Variants in PLCXD3 observed in about 807,000 individuals in gnomAD.
The protein encoded by PLCXD3 is phosphatidylinositol specific phospholipase C X domain containing 3.
PLCXD3 carries 19 observed loss-of-function variants against 25.5 expected under a neutral mutation model. The ratio of observed to expected loss-of-function variants is 0.75; its 90% CI spans 0.52 to 1.09. The LOEUF is 1.09. Among genes scored for constraint, PLCXD3 ranks in the 50% least tolerant of loss-of-function variants. The probability of loss-of-function intolerance (pLI) is 0.00; values close to 1 mark genes in which losing one functional copy is unlikely to be tolerated. For synonymous variants in PLCXD3, 174 were observed against 137.6 expected, an observed-to-expected ratio of 1.26 and a Z score of -1.85; for missense variants, 411 against 388.1, an observed-to-expected ratio of 1.06 and a Z score of -0.50.
intron 1 of PLCXD3, among the ~76,000 whole-genome samples, chr5:41,474,793 T>G (rs1478251096): frequency 6.6e-6 from 1 of 152,196 alleles, no homozygotes. Context: ...AGTAATTCCC[T>G]GTAAATTGAC....
At chr5:41,484,051 C>T (rs1455800693) in intron 1 of PLCXD3, among the ~76,000 whole-genome samples, 1 of 152,034 alleles carries the variant, frequency 6.6e-6, no homozygotes, top group African/African-American at 2.4e-5. Flanking sequence ...AGCAAAAAGG[C>T]ATTAAGTGAC....
intron 1 of PLCXD3, among the ~76,000 whole-genome samples, chr5:41,494,058 T>A (rs1748781627): frequency 6.6e-6 from 1 of 152,240 alleles, no homozygotes; most frequent in Non-Finnish European, 1.5e-5. Context: ...AGACCAGAGC[T>A]GTTCCTATTC....
chr5:41,320,255 C>T (rs1488263896), intron 2 of PLCXD3, among the ~76,000 whole-genome samples: 1 of 152,056 alleles, frequency 6.6e-6, no homozygotes, highest in Non-Finnish European at 1.5e-5. Flanking sequence ...TCCAAACTCA[C>T]TCTATGAGGC....
At chr5:41,338,700 C>A (rs571597440) in intron 2 of PLCXD3, among the ~76,000 whole-genome samples, 2 of 152,094 alleles carry the variant, frequency 1.3e-5, no homozygotes, top group Non-Finnish European at 2.9e-5. Flanking sequence ...TCCTCTTCAA[C>A]GTGATATTCC....
chr5:41,378,020 T>A lies in PLCXD3; in HGVS notation c.812+3806A>T, dbSNP rs1010445618. Among the ~76,000 whole-genome samples, 5 of 152,114 alleles carry A rather than the reference T, an allele frequency of 3.3e-5. No individual in the cohort carries two copies. In the East Asian group the frequency reaches 5.8e-4, roughly 18 times the overall value. ...CTTTTGGTGCCATCACAGGACTTTA[T>A]GAATGAATGGCTTTTGCACAAAAGC... On this transcript the variant is annotated intron_variant, in intron 2 of 2. Coordinates refer to ENST00000377801, the MANE Select transcript of PLCXD3 (RefSeq NM_001005473.3).
chr5:41,434,697 T>TATACCCCTAA (rs1747201615), intron 1 of PLCXD3, among the ~76,000 whole-genome samples: 1 of 152,128 alleles, frequency 6.6e-6, no homozygotes, highest in Admixed American at 6.5e-5. Context: ...GGAAGGAATT[T>TATACCCCTAA]TGATGGATGG....
At chr5:41,509,291 A>T (rs1738971136) in intron 1 of PLCXD3, among the ~76,000 whole-genome samples, 1 of 152,114 alleles carries the variant, frequency 6.6e-6, no homozygotes, top group Non-Finnish European at 1.5e-5. Context: ...GCCAGAAGTG[A>T]ACTGTTCATG....
chr5:41,508,569 C>T (rs1313253137), intron 1 of PLCXD3, among the ~76,000 whole-genome samples: 2 of 152,038 alleles, frequency 1.3e-5, no homozygotes. Context: ...AGCTGGTGTA[C>T]ATAACAGGGC....
chr5:41,309,401 A>T lies in PLCXD3; in HGVS notation c.*4216T>A, dbSNP rs1425749334. On this transcript the variant is annotated 3_prime_UTR_variant, in exon 3 of 3. Transcript: ENST00000377801. ...TCACTGAAATCTAGCTGAAAAGACT[A>T]AAGTGCTGTAAAATAAAATGCTCTT... 1.3e-5 allele frequency: 2 copies of T among 152,592 alleles called. No individual in the cohort carries two copies. Among genetic ancestry groups the T allele is most frequent in the Non-Finnish European group, 2.9e-5 (2 of 68,012 alleles). The allele number at this position is 152,592 out of a possible 1,614,324, so 9.5% of individuals were successfully genotyped here.
chr5:41,470,175 G>A (rs905791439), intron 1 of PLCXD3, among the ~76,000 whole-genome samples: 2 of 152,140 alleles, frequency 1.3e-5, no homozygotes, highest in African/African-American at 4.8e-5. Context: ...ACAAAGGGGG[G>A]TGGCAGTTAA....
chr5:41,382,317 G>T lies in PLCXD3; in HGVS notation c.321C>A (p.Asp107Glu), dbSNP rs752338054. Residue 107 changes from aspartate (D) to glutamate (E), a missense_variant, in exon 2 of 3, where the codon GAC becomes GAA. Transcript: ENST00000377801. ...AACCATGAGCAAAATAGAGTTCATT[G>T]TCGGGGTCTCTGGGCTTGGTGGAAA... Reference protein sequence around the residue: ...LRISTKPRDPDNELYFAHGLF... With the variant: ...LRISTKPRDPENELYFAHGLF... The T allele has an allele frequency of 1.5e-5, 25 of 1,613,546 alleles. No individual in the cohort carries two copies. In the East Asian group the frequency reaches 4.2e-4, roughly 27 times the overall value.
intron 2 of PLCXD3, among the ~76,000 whole-genome samples, chr5:41,336,952 A>G (rs899929316): frequency 6.6e-6 from 1 of 152,134 alleles, no homozygotes; most frequent in Non-Finnish European, 1.5e-5. Flanking sequence ...CCCAACCTAC[A>G]AGTGTAATCT....
intron 1 of PLCXD3, among the ~76,000 whole-genome samples, chr5:41,466,868 T>A (rs1380118513): frequency 6.6e-6 from 1 of 152,158 alleles, no homozygotes; most frequent in East Asian, 1.9e-4. Context: ...CCATCCATAC[T>A]GTCACGAGTG....
At chr5:41,323,483 A>G (rs1380470111) in intron 2 of PLCXD3, among the ~76,000 whole-genome samples, 3 of 152,218 alleles carry the variant, frequency 2.0e-5, no homozygotes, top group African/African-American at 7.2e-5. Context: ...ACCCATAAAT[A>G]TATACACCTA....
At chr5:41,398,046 G>A (rs1467921813) in intron 1 of PLCXD3, among the ~76,000 whole-genome samples, 1 of 152,196 alleles carries the variant, frequency 6.6e-6, no homozygotes, top group Non-Finnish European at 1.5e-5. Context: ...TTGGACTTTT[G>A]AGTTAATGCT....
At chr5:41,336,544 AT>A (rs1262900325) in intron 2 of PLCXD3, among the ~76,000 whole-genome samples, 2 of 152,108 alleles carry the variant, frequency 1.3e-5, no homozygotes, top group African/African-American at 4.8e-5. Context: ...TATGTAGTGA[AT>A]GCTTGTGATG....
intron 1 of PLCXD3, among the ~76,000 whole-genome samples, chr5:41,398,779 A>C (rs1210265992): frequency 6.6e-6 from 1 of 152,100 alleles, no homozygotes; most frequent in African/African-American, 2.4e-5. Context: ...AACGGAGAAA[A>C]ACTCTAAAAT....
chr5:41,449,613 T>G lies in PLCXD3; in HGVS notation c.103+60811A>C, dbSNP rs1462572679. Among the ~76,000 whole-genome samples, 3 of 152,130 alleles carry G rather than the reference T, an allele frequency of 2.0e-5. No individual in the cohort carries two copies. The East Asian group carries it at 5.8e-4, about 29-fold the overall frequency. ...TGAGATAGGGAAGGGAAAAAGCCAG[T>G]GTAAAGTACACTGATAAGCAGAATA... On this transcript the variant is annotated intron_variant, in intron 1 of 2. Transcript: ENST00000377801.
At position 41,312,533 on chromosome 5, in the gene PLCXD3, T is replaced by C. The variant is rs1327789341; in HGVS notation, c.*1084A>G. The C allele has an allele frequency of 6.6e-6, 1 of 151,538 alleles. No individual in the cohort carries two copies. The highest frequency in any genetic ancestry group is 1.5e-5 in the Non-Finnish European group (1 of 67,832). The allele number at this position is 151,538 out of a possible 1,614,324, so 9.4% of individuals were successfully genotyped here. A position where few individuals can be genotyped will look rare whatever the true frequency, so the allele number is the denominator to read the frequency against. On this transcript the variant is annotated 3_prime_UTR_variant, in exon 3 of 3. Transcript: ENST00000377801. ...GGCAGGAAAGCTTGCAGTCTTTTTC[T>C]TCTTCCTTCCTCTCTTCCTCCCTCC... is the stretch of plus-strand genomic sequence containing the variant.
Sources: allele counts gnomAD v4.1 joint callset (sites outside exome capture counted in the v4.1 genomes callset), GRCh38; gene constraint gnomAD v4.1.1; transcripts MANE v1.5; gene names NCBI Gene and HGNC (gene_info 2026-07-23, HGNC 2026-07-21).